Variants in ATXN1 observed in about 807,000 individuals in gnomAD.
ATXN1 encodes the protein ataxin 1.
Under a neutral mutation model 56.4 loss-of-function variants are expected in ATXN1, and 8 were observed. The ratio of observed to expected loss-of-function variants is 0.14; its 90% CI spans 0.08 to 0.26. The LOEUF (loss-of-function observed/expected upper bound fraction) is 0.26, where lower values mean the gene tolerates loss of function less well. Among genes scored for constraint, ATXN1 ranks in the 10% least tolerant of loss-of-function variants. The pLI is 1.00. For synonymous variants in ATXN1, 514 were observed against 494.6 expected (o/e 1.04, Z -0.52); for missense variants, 987 against 1,106.5 (o/e 0.89, Z 1.53).
At chr6:16,427,273 G>A (rs1759176867) in intron 6 of ATXN1, among the ~76,000 whole-genome samples, 1 of 152,182 alleles carries the variant, frequency 6.6e-6, no homozygotes, top group Non-Finnish European at 1.5e-5. Flanking sequence ...TGTGTTGCAG[G>A]ATGTTTAGCA....
At chr6:16,679,450 G>A (rs1250224025) in intron 2 of ATXN1, among the ~76,000 whole-genome samples, 2 of 152,114 alleles carry the variant, frequency 1.3e-5, no homozygotes, top group Non-Finnish European at 2.9e-5. Context: ...GAGAAAGGGG[G>A]GACAGAAGTA....
chr6:16,596,059 C>T (rs778876657), intron 3 of ATXN1, among the ~76,000 whole-genome samples: 1 of 152,172 alleles, frequency 6.6e-6, no homozygotes, highest in Non-Finnish European at 1.5e-5. Context: ...TGCAATGGCA[C>T]GATCATAGCT....
At chr6:16,416,581 A>G (rs1581747606) in intron 6 of ATXN1, among the ~76,000 whole-genome samples, 1 of 152,358 alleles carries the variant, frequency 6.6e-6, no homozygotes, top group East Asian at 1.9e-4. Flanking sequence ...CATAAATATC[A>G]ACTGTAATTA....
intron 6 of ATXN1, among the ~76,000 whole-genome samples, chr6:16,395,226 C>T (rs1433760346): frequency 4.1e-4 from 58 of 142,888 alleles, no homozygotes; most frequent in Admixed American, 1.4e-3. Context: ...GCCAAGATTG[C>T]GCCATTGCAT....
At chr6:16,559,526 G>A (rs557543919) in intron 4 of ATXN1, among the ~76,000 whole-genome samples, 17 of 152,276 alleles carry the variant, frequency 1.1e-4, no homozygotes, top group African/African-American at 3.1e-4. Context: ...AAGAGGTAAA[G>A]GGCAGAATAG....
chr6:16,314,985 C>A (rs553646799), intron 7 of ATXN1, among the ~76,000 whole-genome samples: 1 of 152,140 alleles, frequency 6.6e-6, no homozygotes, highest in Non-Finnish European at 1.5e-5. Context: ...CAAGTATACA[C>A]CGAGCACCTG....
intron 6 of ATXN1, among the ~76,000 whole-genome samples, chr6:16,361,065 C>T (rs1462492130): frequency 1.3e-5 from 2 of 152,172 alleles, no homozygotes; most frequent in African/African-American, 4.8e-5. Flanking sequence ...TTTATTTTAG[C>T]TAATGAAAAT....
chr6:16,640,708 T>C (rs1016085510), intron 3 of ATXN1, among the ~76,000 whole-genome samples: 2 of 151,720 alleles, frequency 1.3e-5, no homozygotes, highest in African/African-American at 4.8e-5. Flanking sequence ...AAAAGAATAT[T>C]GAAATTAGGC....
intron 3 of ATXN1, among the ~76,000 whole-genome samples, chr6:16,611,084 G>A (rs900347604): frequency 2.0e-5 from 3 of 151,906 alleles, no homozygotes; most frequent in Non-Finnish European, 2.9e-5. Flanking sequence ...ACTGAATATC[G>A]TTATAAAAAG....
chr6:16,462,948 G>A (rs1760028833), intron 6 of ATXN1, among the ~76,000 whole-genome samples: 1 of 152,022 alleles, frequency 6.6e-6, no homozygotes, highest in African/African-American at 2.4e-5. Flanking sequence ...CATACTCCCT[G>A]TATGACTATT....
chr6:16,730,100 C>T (rs531838231), intron 2 of ATXN1, among the ~76,000 whole-genome samples: 4 of 152,238 alleles, frequency 2.6e-5, no homozygotes, highest in East Asian at 1.9e-4. Context: ...CTGACCAACA[C>T]GGTGAAACCC....
At chr6:16,351,740 A>T (rs547004577) in intron 6 of ATXN1, among the ~76,000 whole-genome samples, 1 of 152,262 alleles carries the variant, frequency 6.6e-6, no homozygotes, top group Admixed American at 6.5e-5. Flanking sequence ...TCTCCTTGTA[A>T]TGTAATTCCA....
At chr6:16,540,287 A>G (rs1379114759) in intron 4 of ATXN1, among the ~76,000 whole-genome samples, 1 of 150,154 alleles carries the variant, frequency 6.7e-6, no homozygotes, top group Admixed American at 6.6e-5. Context: ...TCTCGGCTCA[A>G]TGCAACCTCC....
At chr6:16,336,664 G>A (rs1761130259) in intron 6 of ATXN1, among the ~76,000 whole-genome samples, 1 of 152,166 alleles carries the variant, frequency 6.6e-6, no homozygotes, top group Non-Finnish European at 1.5e-5. Context: ...GCAAGTTCAA[G>A]CCTGCAACCT....
intron 6 of ATXN1, among the ~76,000 whole-genome samples, chr6:16,479,772 G>A (rs2113648674): frequency 6.6e-6 from 1 of 152,250 alleles, no homozygotes; most frequent in Admixed American, 6.5e-5. Flanking sequence ...TCTGTACAAA[G>A]TTCAGTTGGA....
At chr6:16,483,804 A>C (rs771735505) in intron 6 of ATXN1, among the ~76,000 whole-genome samples, 6 of 152,240 alleles carry the variant, frequency 3.9e-5, no homozygotes, top group Non-Finnish European at 8.8e-5. Context: ...CTAGATTTGA[A>C]ACAAAAGCTA....
At chr6:16,753,657 T>C (rs1245841275) in intron 1 of ATXN1, among the ~76,000 whole-genome samples, 1 of 152,184 alleles carries the variant, frequency 6.6e-6, no homozygotes, top group Non-Finnish European at 1.5e-5. Context: ...TAGCCAATCA[T>C]CTGATAAACA....
At chr6:16,356,948 G>C (rs1761699569) in intron 6 of ATXN1, among the ~76,000 whole-genome samples, 1 of 152,130 alleles carries the variant, frequency 6.6e-6, no homozygotes, top group Non-Finnish European at 1.5e-5. Flanking sequence ...AGCTAATATG[G>C]AGGACTGTGG....
chr6:16,686,993 T>C (rs1758932570), intron 2 of ATXN1, among the ~76,000 whole-genome samples: 1 of 152,186 alleles, frequency 6.6e-6, no homozygotes, highest in Non-Finnish European at 1.5e-5. Flanking sequence ...TTGGATGGAA[T>C]TACAATCTTA....
Sources: gnomAD v4.1 joint callset for allele counts (sites outside exome capture counted in the v4.1 genomes callset) on GRCh38, gnomAD v4.1.1 for gene constraint, MANE v1.5 for transcripts, NCBI Gene and HGNC (gene_info 2026-07-23, HGNC 2026-07-21) for gene names.